The following NLGN4X variants were observed in gnomAD, a reference collection of about 807,000 sequenced individuals.
The protein encoded by NLGN4X is neuroligin 4 X-linked.
In NLGN4X, 3 loss-of-function variants were observed where a neutral mutation model predicts 40.3. The ratio of observed to expected loss-of-function variants is 0.07; its 90% confidence interval spans 0.03 to 0.19. The LOEUF (loss-of-function observed/expected upper bound fraction) is 0.19. Ranked by LOEUF, NLGN4X falls within the 10% of genes least tolerant of loss-of-function variation. The probability of loss-of-function intolerance (pLI) is 1.00; values close to 1 mark genes in which losing one functional copy is unlikely to be tolerated. For missense variants in NLGN4X, 382 were observed against 708.3 expected (o/e 0.54, Z 5.23); for synonymous variants, 270 against 306.8 (o/e 0.88, Z 1.25).
At chrX:6,125,299 T>C (rs1327260059) in intron 2 of NLGN4X, among the ~76,000 whole-genome samples, 1 of 111,921 alleles carries the variant, frequency 8.9e-6, no homozygotes, top group East Asian at 2.8e-4. Flanking sequence ...AGAGCAGAAA[T>C]TAGCGAAACA....
At chrX:5,988,193 C>A (rs949419597) in intron 3 of NLGN4X, among the ~76,000 whole-genome samples, 3 of 112,288 alleles carry the variant, frequency 2.7e-5, no homozygotes, top group Non-Finnish European at 5.6e-5. Flanking sequence ...CGTGAATTCA[C>A]TTATTCCTAG....
chrX:6,087,748 T>C (rs989061340), intron 2 of NLGN4X, among the ~76,000 whole-genome samples: 1 of 111,943 alleles, frequency 8.9e-6, no homozygotes, highest in African/African-American at 3.2e-5. Flanking sequence ...TGCCCAAAGA[T>C]AACTGAACTG....
At chrX:6,092,885 T>C (rs1464458185) in intron 2 of NLGN4X, among the ~76,000 whole-genome samples, 1 of 110,899 alleles carries the variant, frequency 9.0e-6, no homozygotes, top group Non-Finnish European at 1.9e-5. Flanking sequence ...TAAAAGTCAA[T>C]TTAGGAGACA....
At chrX:5,989,086 A>T (rs868284376) in intron 3 of NLGN4X, among the ~76,000 whole-genome samples, 10 of 85,324 alleles carry the variant, frequency 1.2e-4, no homozygotes, top group African/African-American at 4.5e-4. Context: ...AAAAAAAATA[A>T]AAAAAATAAA....
chrX:5,988,328 T>A (rs777231880), intron 3 of NLGN4X, among the ~76,000 whole-genome samples: 6 of 112,222 alleles, frequency 5.3e-5, no homozygotes, highest in African/African-American at 1.6e-4. Flanking sequence ...GCGTGTGCAA[T>A]AATTTATTAG....
intron 3 of NLGN4X, among the ~76,000 whole-genome samples, chrX:5,946,263 A>G (rs1375620796): frequency 8.9e-6 from 1 of 111,810 alleles, no homozygotes; most frequent in Admixed American, 9.6e-5. Flanking sequence ...CTCCTGAAGT[A>G]AAAAGCTCGT....
intron 1 of NLGN4X, among the ~76,000 whole-genome samples, chrX:6,185,105 T>C (rs1475064503): frequency 1.8e-5 from 2 of 112,544 alleles, no homozygotes; most frequent in African/African-American, 6.5e-5. Context: ...TGGCCTGCAC[T>C]GTGATACATA....
Position 6,151,374 on chromosome X carries a change from A to T in NLGN4X, c.93T>A (p.Ala31=). 8.3e-7 allele frequency: 1 copy of T among 1,211,686 alleles called. No individual in the cohort carries two copies. The highest frequency in any genetic ancestry group is 1.1e-6 in the Non-Finnish European group (1 of 895,317). The change falls in exon 2 of 6, where the codon GCT becomes GCA. Residue 31 remains alanine, a synonymous_variant. Transcript: ENST00000381095. ...CAATGAGGGTGAACTTGATGGCAAG[A>T]GCAGTTAACCACAGGAGGACATTGG... ...LNSNVLLWLT[A]LAIKFTLIDS...
chrX:6,014,983 T>C (rs1180289224), intron 3 of NLGN4X, among the ~76,000 whole-genome samples: 1 of 111,889 alleles, frequency 8.9e-6, no homozygotes, highest in African/African-American at 3.3e-5. Context: ...ACTGTATGGA[T>C]CACTCCCTCA....
chrX:6,090,655 G>A (rs746761339), intron 2 of NLGN4X, among the ~76,000 whole-genome samples: 2 of 111,977 alleles, frequency 1.8e-5, no homozygotes, highest in Non-Finnish European at 3.8e-5. Flanking sequence ...TAATAACCCT[G>A]AACTGAGCAA....
At chrX:6,089,337 T>G (rs114042763) in intron 2 of NLGN4X, among the ~76,000 whole-genome samples, 3,942 of 111,683 alleles carry the variant, frequency 0.035, 150 homozygotes, top group African/African-American at 0.11. Context: ...CGCCCTTTAG[T>G]AGTTTGTACA....
chrX:6,077,031 A>G (rs1015820711), intron 2 of NLGN4X, among the ~76,000 whole-genome samples: 2 of 111,730 alleles, frequency 1.8e-5, no homozygotes, highest in South Asian at 3.7e-4. Context: ...TTAGAATTCT[A>G]CACTTAACAT....
intron 1 of NLGN4X, 123 bp from the exon 2 acceptor site, chrX:6,151,894 A>G: frequency 5.0e-6 from 1 of 201,679 alleles, no homozygotes; most frequent in Non-Finnish European, 9.2e-6. Context: ...TTGTATAGAA[A>G]TGTGTATAGT....
At chrX:6,174,196 G>A (rs1287537745) in intron 1 of NLGN4X, among the ~76,000 whole-genome samples, 1 of 111,790 alleles carries the variant, frequency 8.9e-6, no homozygotes, top group Non-Finnish European at 1.9e-5. Flanking sequence ...TTAGGGAAAT[G>A]TAAATCAAAA....
chrX:6,142,665 C>A (rs1312324507), intron 2 of NLGN4X, among the ~76,000 whole-genome samples: 1 of 112,108 alleles, frequency 8.9e-6, no homozygotes, highest in Admixed American at 9.5e-5. Context: ...TGTGTCTAGA[C>A]AAGAAGAGAA....
intron 2 of NLGN4X, among the ~76,000 whole-genome samples, chrX:6,050,687 T>C (rs2037465735): frequency 9.0e-6 from 1 of 111,652 alleles, no homozygotes; most frequent in Admixed American, 9.5e-5. Flanking sequence ...ATCTATCTAT[T>C]TATCTATCTA....
At chrX:6,102,541 T>G (rs1350214983) in intron 2 of NLGN4X, among the ~76,000 whole-genome samples, 1 of 110,910 alleles carries the variant, frequency 9.0e-6, no homozygotes, top group Non-Finnish European at 1.9e-5. Context: ...GATCTTGAAC[T>G]TCCAGCCTTC....
At chrX:6,154,859 C>G (rs966158822) in intron 1 of NLGN4X, among the ~76,000 whole-genome samples, 1 of 111,690 alleles carries the variant, frequency 9.0e-6, no homozygotes, top group African/African-American at 3.3e-5. Flanking sequence ...GGCAGTTATT[C>G]TGACTCAGGT....
At chrX:5,969,912 C>T (rs2034967511) in intron 3 of NLGN4X, among the ~76,000 whole-genome samples, 1 of 107,330 alleles carries the variant, frequency 9.3e-6, no homozygotes, top group South Asian at 4.3e-4. Flanking sequence ...TCTCAGCAAA[C>T]TATCACAAGG....
Sources: gnomAD v4.1 joint callset for allele counts (sites outside exome capture counted in the v4.1 genomes callset) on GRCh38, gnomAD v4.1.1 for gene constraint, MANE v1.5 for transcripts, NCBI Gene and HGNC (gene_info 2026-07-23, HGNC 2026-07-21) for gene names.